Variants in DOK6 observed in about 807,000 individuals in gnomAD.
DOK6 encodes the protein docking protein 6, also known as downstream of tyrosine kinase 6.
DOK6 carries 22 observed loss-of-function variants against 44.0 expected under a neutral mutation model. The ratio of observed to expected loss-of-function variants is 0.50; its 90% CI spans 0.36 to 0.71. The LOEUF is 0.71. Among genes scored for constraint, DOK6 ranks in the 30% least tolerant of loss-of-function variants. The pLI is 0.00. For missense variants in DOK6, 340 were observed against 416.4 expected (o/e 0.82, Z 1.60); for synonymous variants, 166 against 145.5 (o/e 1.14, Z -1.01).
chr18:69,803,405 A>G (rs1357055157), intron 7 of DOK6, among the ~76,000 whole-genome samples: 2 of 152,286 alleles, frequency 1.3e-5, no homozygotes, highest in African/African-American at 4.8e-5. Context: ...ATAAGATGCA[A>G]AACCACCTTC....
Position 69,737,649 on chromosome 18 carries a change from A to G in DOK6, c.600-1316A>G, listed in dbSNP as rs957244813. Among the ~76,000 whole-genome samples the G allele has an allele frequency of 4.6e-5, 7 of 152,162 alleles. No homozygotes were observed. The South Asian group carries it at 1.0e-3, about 23-fold the overall frequency. ...TCTACCTAAAGTTTCTTTGCTTTTTATGCTGTTTTAGATGCCTTATTTCAT... is the reference window on the plus strand; with the variant it reads ...TCTACCTAAAGTTTCTTTGCTTTTTGTGCTGTTTTAGATGCCTTATTTCAT... On this transcript the variant is annotated intron_variant, in intron 5 of 7. Transcript: ENST00000382713.
intron 7 of DOK6, among the ~76,000 whole-genome samples, chr18:69,818,655 A>C (rs1981474037): frequency 6.6e-6 from 1 of 152,234 alleles, no homozygotes; most frequent in Admixed American, 6.5e-5. Flanking sequence ...AACAACACCT[A>C]CATGAGCATT....
At chr18:69,664,487 G>A (rs1335059378) in intron 3 of DOK6, among the ~76,000 whole-genome samples, 2 of 152,198 alleles carry the variant, frequency 1.3e-5, no homozygotes, top group East Asian at 1.9e-4. Context: ...CAACATCAGT[G>A]GTCCTTGTGC....
intron 7 of DOK6, among the ~76,000 whole-genome samples, chr18:69,827,854 ATG>A (rs1981785829): frequency 6.6e-6 from 1 of 151,982 alleles, no homozygotes; most frequent in African/African-American, 2.4e-5. Context: ...TCTCATGAAA[ATG>A]TGTTTTCTTG....
chr18:69,782,434 A>G (rs1008009684), intron 7 of DOK6, among the ~76,000 whole-genome samples: 9 of 152,006 alleles, frequency 5.9e-5, no homozygotes, highest in East Asian at 3.9e-4. Context: ...GATGGTCTCG[A>G]TCTCCTGACC....
chr18:69,690,477 T>C (rs939585754), intron 4 of DOK6, among the ~76,000 whole-genome samples: 1 of 152,216 alleles, frequency 6.6e-6, no homozygotes, highest in Non-Finnish European at 1.5e-5. Flanking sequence ...GCTTTTTCAG[T>C]GTGGTTTCAG....
chr18:69,528,760 TA>T lies in DOK6; in HGVS notation c.67-35726del, dbSNP rs141252424. 8.1e-3 allele frequency among the ~76,000 whole-genome samples: 1,228 copies of T among 152,352 alleles called. 13 individuals are homozygous for T. Among genetic ancestry groups the T allele is most frequent in the African/African-American group, 0.028 (1,161 of 41,582 alleles). On this transcript the variant is annotated intron_variant, in intron 1 of 7. Coordinates refer to ENST00000382713, the MANE Select transcript of DOK6 (RefSeq NM_152721.6). ...TTCAGCACAGTCATGTCATATGTAATATTACTCAACATCTATCTTGGTTCGA... is the reference window on the plus strand; with the variant it reads ...TTCAGCACAGTCATGTCATATGTAATTTACTCAACATCTATCTTGGTTCGA...
chr18:69,528,345 G>T (rs1311971296), intron 1 of DOK6, among the ~76,000 whole-genome samples: 2 of 151,950 alleles, frequency 1.3e-5, no homozygotes, highest in East Asian at 1.9e-4. Context: ...TTGCCTTCAG[G>T]ACTTAAAATA....
At chr18:69,694,521 T>C (rs1450156019) in intron 4 of DOK6, among the ~76,000 whole-genome samples, 2 of 151,444 alleles carry the variant, frequency 1.3e-5, no homozygotes, top group East Asian at 1.9e-4. Context: ...GTTTCAACCA[T>C]TTAAAATAAA....
chr18:69,611,723 A>C (rs1050050376), intron 3 of DOK6, among the ~76,000 whole-genome samples: 19 of 152,324 alleles, frequency 1.2e-4, no homozygotes, highest in African/African-American at 4.6e-4. Flanking sequence ...GCACATCCCA[A>C]AAGGTTTTAG....
At chr18:69,496,862 G>A (rs1980906470) in intron 1 of DOK6, among the ~76,000 whole-genome samples, 1 of 152,150 alleles carries the variant, frequency 6.6e-6, no homozygotes, top group African/African-American at 2.4e-5. Context: ...CTGTGGCACA[G>A]AACATTTATT....
intron 6 of DOK6, among the ~76,000 whole-genome samples, chr18:69,754,106 T>C (rs1979275656): frequency 6.6e-6 from 1 of 152,178 alleles, no homozygotes; most frequent in Non-Finnish European, 1.5e-5. Context: ...TTAAGTTTTG[T>C]TTTTTCTTAA....
rs903074436 is a variant in DOK6 at position 69,842,025 on chromosome 18, A to G, written c.*642A>G. Reference sequence around the variant, plus strand: ...ATATCCATCTATATATAACAAGTATATATCAAACATGTGCTGAGGGTGACA... The same window carrying G: ...ATATCCATCTATATATAACAAGTATGTATCAAACATGTGCTGAGGGTGACA... On this transcript the variant is annotated 3_prime_UTR_variant, in exon 8 of 8. Coordinates refer to ENST00000382713, the MANE Select transcript of DOK6 (RefSeq NM_152721.6). 6.6e-6 allele frequency: 1 copy of G among 152,004 alleles called. No homozygotes were observed. Among genetic ancestry groups the G allele is most frequent in the African/African-American group, 2.4e-5 (1 of 41,344 alleles). The allele number at this position is 152,004 out of a possible 1,614,324, so 9.4% of individuals were successfully genotyped here.
Position 69,637,836 on chromosome 18 carries a change from C to CA in DOK6, c.289+38345dup, listed in dbSNP as rs1395812383. On this transcript the variant is annotated intron_variant, in intron 3 of 7. Transcript: ENST00000382713. Reference sequence around the variant, plus strand: ...TCTGGCACTTTAATAATACTTTGAGCAAAAAAATCAAAGGACCTTGACATT... The same window carrying CA: ...TCTGGCACTTTAATAATACTTTGAGCAAAAAAAATCAAAGGACCTTGACATT... Among the ~76,000 whole-genome samples the CA allele has an allele frequency of 4.0e-5, 6 of 150,738 alleles. No homozygotes were observed. In the South Asian group the frequency reaches 1.3e-3, roughly 31 times the overall value.
At chr18:69,809,123 G>T (rs1335567441) in intron 7 of DOK6, among the ~76,000 whole-genome samples, 1 of 151,668 alleles carries the variant, frequency 6.6e-6, no homozygotes, top group African/African-American at 2.4e-5. Flanking sequence ...GGATTCAAGG[G>T]TCATTCAACA....
intron 7 of DOK6, among the ~76,000 whole-genome samples, chr18:69,778,377 CAG>C (rs749953367): frequency 2.4e-4 from 32 of 131,460 alleles, no homozygotes; most frequent in South Asian, 1.8e-3. Flanking sequence ...AAACAAAAAA[CAG>C]AGGCCATAGC....
In DOK6 at chr18:69,654,434, T is replaced by A. The variant is rs566736977; in HGVS notation, c.290-23300T>A. 4.6e-5 allele frequency among the ~76,000 whole-genome samples: 7 copies of A among 152,290 alleles called. No individual in the cohort carries two copies. In the East Asian group the frequency reaches 5.8e-4, roughly 13 times the overall value. On this transcript the variant is annotated intron_variant, in intron 3 of 7. Transcript: ENST00000382713. ...CTTCTCTGGGGCAGGAAATTTGACA[T>A]TGACATTGAGTCGGCATGAAGTTAG...
At chr18:69,773,863 T>C (rs1979961778) in intron 7 of DOK6, among the ~76,000 whole-genome samples, 1 of 151,380 alleles carries the variant, frequency 6.6e-6, no homozygotes. Flanking sequence ...GGAGACTCCT[T>C]AAAGAACCAA....
chr18:69,422,775 G>A (rs934108495), intron 1 of DOK6, among the ~76,000 whole-genome samples: 1 of 152,084 alleles, frequency 6.6e-6, no homozygotes, highest in Non-Finnish European at 1.5e-5. Context: ...CAAAATTTTG[G>A]TTTGAAACAT....
Sources: gnomAD v4.1 joint callset for allele counts (sites outside exome capture counted in the v4.1 genomes callset) on GRCh38, gnomAD v4.1.1 for gene constraint, MANE v1.5 for transcripts, NCBI Gene and HGNC (gene_info 2026-07-23, HGNC 2026-07-21) for gene names.